The following ZNF451 variants were observed in gnomAD, a reference collection of about 807,000 sequenced individuals.
ZNF451 encodes zinc finger protein 451.
ZNF451 carries 80 observed loss-of-function variants against 107.1 expected under a neutral mutation model. The ratio of observed to expected loss-of-function variants is 0.75; its 90% CI spans 0.62 to 0.90. The LOEUF is 0.90. Among genes scored for constraint, ZNF451 ranks in the 40% least tolerant of loss-of-function variants. ZNF451 has a pLI of 0.00. For missense variants in ZNF451, 1,107 were observed against 1,236.2 expected (o/e 0.90, Z 1.57); for synonymous variants, 362 against 406.5 (o/e 0.89, Z 1.32).
intron 7 of ZNF451, among the ~76,000 whole-genome samples, chr6:57,138,417 C>T (rs962567727): frequency 6.6e-6 from 1 of 151,568 alleles, no homozygotes; most frequent in Admixed American, 6.6e-5. Context: ...CGCCTGCCAC[C>T]ACACCCGGCT....
intron 3 of ZNF451, among the ~76,000 whole-genome samples, chr6:57,111,360 G>T (rs553160639): frequency 6.8e-6 from 1 of 147,114 alleles, no homozygotes; most frequent in African/African-American, 2.5e-5. Context: ...GAGTTACTGT[G>T]GGGTTTTTTT....
At position 57,152,322 on chromosome 6, in the gene ZNF451, G is replaced by GT; in HGVS notation, c.2854_2855insT (p.Asp952ValfsTer4). 3 of 1,614,030 alleles carry GT rather than the reference G, an allele frequency of 1.9e-6. No individual in the cohort carries two copies. The highest frequency in any genetic ancestry group is 1.7e-6 in the Non-Finnish European group (2 of 1,179,996). On this transcript the variant is annotated frameshift_variant, in exon 12 of 15. Coordinates refer to ENST00000370706, the MANE Select transcript of ZNF451 (RefSeq NM_001031623.3). LOFTEE classifies it high-confidence loss of function. ...TCATCCTCGCTGTAGTAAAAGAAAA[G>GT]ATGCTGCTGATTTTGCCATATGTAT...
At chr6:57,151,601 C>G (rs978500780) in intron 11 of ZNF451, among the ~76,000 whole-genome samples, 1 of 152,088 alleles carries the variant, frequency 6.6e-6, no homozygotes, top group African/African-American at 2.4e-5. Flanking sequence ...TATTTGGCCT[C>G]TCAGCTATAG....
intron 3 of ZNF451, chr6:57,099,674 C>A: frequency 1.7e-6 from 1 of 595,164 alleles, no homozygotes; most frequent in Non-Finnish European, 3.0e-6. Context: ...CTGTGATGTA[C>A]TGGTTGTAGG....
intron 3 of ZNF451, among the ~76,000 whole-genome samples, chr6:57,123,941 G>T (rs1221811731): frequency 2.0e-5 from 3 of 152,100 alleles, no homozygotes; most frequent in Admixed American, 1.3e-4. Context: ...TTTTCTATGT[G>T]GATGCAAACA....
At position 57,090,201 on chromosome 6, in the gene ZNF451, G is replaced by A; in HGVS notation, c.-53G>A. 1 of 1,584,550 alleles carries A rather than the reference G, an allele frequency of 6.3e-7. No individual in the cohort carries two copies. The highest frequency in any genetic ancestry group is 8.6e-7 in the Non-Finnish European group (1 of 1,165,708). On this transcript the variant is annotated 5_prime_UTR_variant, in exon 1 of 15. Coordinates refer to ENST00000370706, the MANE Select transcript of ZNF451 (RefSeq NM_001031623.3). Reference sequence around the variant, plus strand: ...GGCGGGAAGGGGATTCGTGGCGACGGCGGCGGCAGGGACAGCAGGAGCAGT... The same window carrying A: ...GGCGGGAAGGGGATTCGTGGCGACGACGGCGGCAGGGACAGCAGGAGCAGT...
At position 57,100,325 on chromosome 6, in the gene ZNF451, C is replaced by T. The variant is rs748155420; in HGVS notation, c.186+1184C>T. 2.6e-5 allele frequency among the ~76,000 whole-genome samples: 4 copies of T among 152,194 alleles called. No homozygotes were observed. The East Asian group carries it at 5.8e-4, about 22-fold the overall frequency. The stretch of plus-strand genomic sequence containing the variant: ...CAAACAGCAGGCCAGCATAGCACCA[C>T]GTGATCTGAGCTTGTTTTTACTCTC... On this transcript the variant is annotated intron_variant, in intron 3 of 14. Coordinates refer to ENST00000370706, the MANE Select transcript of ZNF451 (RefSeq NM_001031623.3).
chr6:57,099,175 C>G (rs781318434), intron 3 of ZNF451, 34 bp downstream of exon 3: 11 of 1,508,556 alleles, frequency 7.3e-6, no homozygotes, highest in Non-Finnish European at 3.7e-6. Flanking sequence ...TGTTTCTTCA[C>G]TTGTGTCTTT....
Position 57,152,220 on chromosome 6 carries a change from G to C in ZNF451, c.2753-1G>C. ...ATTTTTGCCTTTTCTAAAATTAATAGGAGGAAACACCAATTGGAAGCCTCC... is the reference window on the plus strand; with the variant it reads ...ATTTTTGCCTTTTCTAAAATTAATACGAGGAAACACCAATTGGAAGCCTCC... On this transcript the variant is annotated splice_acceptor_variant, in intron 11 of 14. Transcript: ENST00000370706. LOFTEE classifies it high-confidence loss of function. 1 of 1,599,946 alleles carries C rather than the reference G, an allele frequency of 6.3e-7. No homozygotes were observed. The highest frequency in any genetic ancestry group is 1.1e-5 in the South Asian group (1 of 87,614).
chr6:57,141,449 C>G lies in ZNF451; in HGVS notation c.850C>G (p.Leu284Val). The change falls in exon 8 of 15, where the codon CTG becomes GTG. Residue 284 changes from leucine to valine, a missense_variant. By Grantham distance (32) the Leu-to-Val change is conservative (BLOSUM62 1). Around this residue, in one of 5 missense-constraint regions of ZNF451, gnomAD observed 339 missense variants for 372.8 expected, o/e 0.91. Transcript: ENST00000370706. ...GAATCATTTCCATCAGAGTTTCAAA[C>G]TGGGTGGTATGTTAATACTCTCTTC... ...GKNHFHQSFK[L>V]GDNKGIAHPI... 6.2e-7 allele frequency: 1 copy of G among 1,610,604 alleles called. No individual in the cohort carries two copies. Among genetic ancestry groups the G allele is most frequent in the Non-Finnish European group, 8.5e-7 (1 of 1,178,146 alleles).
chr6:57,113,606 T>G (rs1298527841), intron 3 of ZNF451, among the ~76,000 whole-genome samples: 1 of 151,630 alleles, frequency 6.6e-6, no homozygotes, highest in Non-Finnish European at 1.5e-5. Flanking sequence ...TCATGGGTCT[T>G]CTGAGAAAAA....
In ZNF451 at chr6:57,128,693, A is replaced by G. The variant is rs182445608; in HGVS notation, c.313-36A>G. Reference sequence around the variant, plus strand: ...ATCCTTTTCTCAAGGAAAACAGGGTAGTAATCTTAATTGAGTTTTTTCTTA... The same window carrying G: ...ATCCTTTTCTCAAGGAAAACAGGGTGGTAATCTTAATTGAGTTTTTTCTTA... On this transcript the variant is annotated intron_variant, in intron 4 of 14. Transcript: ENST00000370706. 20 of 1,397,130 alleles carry G rather than the reference A, an allele frequency of 1.4e-5. No homozygotes were observed. The East Asian group carries it at 4.1e-4, about 29-fold the overall frequency. 86.5% of individuals were successfully genotyped at this position (1,397,130 alleles called of 1,614,324 possible). A position where few individuals can be genotyped will look rare whatever the true frequency, so the allele number is the denominator to read the frequency against.
At chr6:57,155,927 TTG>T (rs1299025125) in intron 13 of ZNF451, among the ~76,000 whole-genome samples, 1 of 151,842 alleles carries the variant, frequency 6.6e-6, no homozygotes, top group East Asian at 1.9e-4. Context: ...CATACAGAGA[TTG>T]TGCACTGCAT....
intron 4 of ZNF451, among the ~76,000 whole-genome samples, chr6:57,127,080 A>G (rs981467246): frequency 6.6e-6 from 1 of 152,210 alleles, no homozygotes; most frequent in African/African-American, 2.4e-5. Context: ...GGATATATCT[A>G]TCAAGGGCTA....
chr6:57,104,913 T>A, intron 3 of ZNF451: 2 of 985,406 alleles, frequency 2.0e-6, no homozygotes, highest in Non-Finnish European at 1.2e-6. Flanking sequence ...GACCGTTTAA[T>A]AGGGATGGGG....
chr6:57,160,171 T>C (rs1402978488), intron 13 of ZNF451, among the ~76,000 whole-genome samples: 1 of 152,202 alleles, frequency 6.6e-6, no homozygotes, highest in Non-Finnish European at 1.5e-5. Flanking sequence ...GTTTCCCTTA[T>C]TAGTAACATC....
intron 3 of ZNF451, chr6:57,099,661 T>C (rs1468271798): frequency 3.3e-6 from 2 of 615,308 alleles, no homozygotes; most frequent in Non-Finnish European, 5.8e-6. Flanking sequence ...TTATTTATCT[T>C]ACCTGTGATG....
chr6:57,132,907 T>C, intron 5 of ZNF451, 135 bp from the exon 6 acceptor site: 2 of 890,616 alleles, frequency 2.2e-6, no homozygotes, highest in Non-Finnish European at 3.3e-6. Flanking sequence ...TAAGAGAGGT[T>C]TTAAACAATT....
intron 11 of ZNF451, chr6:57,151,817 A>G (rs1832365378): frequency 6.4e-6 from 1 of 155,258 alleles, no homozygotes; most frequent in Admixed American, 6.4e-5. Context: ...ATAGAAACAT[A>G]CTGACCTGGA....
Sources: gnomAD v4.1 joint callset for allele counts (sites outside exome capture counted in the v4.1 genomes callset) on GRCh38, gnomAD v4.1.1 for gene constraint, gnomAD v4.1.1 regional missense constraint, MANE v1.5 for transcripts, NCBI Gene and HGNC (gene_info 2026-07-23, HGNC 2026-07-21) for gene names.